LINGO2: variants seen among roughly 807,000 people sequenced by gnomAD.
The protein encoded by LINGO2 is leucine-rich repeat and immunoglobulin-like domain-containing nogo receptor-interacting protein 2.
Under a neutral mutation model 30.6 loss-of-function variants are expected in LINGO2, and 14 were observed. That is an observed-to-expected ratio of 0.46 (90% CI 0.30 to 0.72). The LOEUF is 0.72. Ranked by LOEUF, LINGO2 falls within the 30% of genes least tolerant of loss-of-function variation. LINGO2 has a pLI of 0.07. For missense variants in LINGO2, 729 were observed against 751.7 expected, an observed-to-expected ratio of 0.97 and a Z score of 0.35; for synonymous variants, 317 against 288.5, an observed-to-expected ratio of 1.10 and a Z score of -1.00.
chr9:28,364,822 A>G (rs1271455080), intron 3 of LINGO2, among the ~76,000 whole-genome samples: 1 of 152,174 alleles, frequency 6.6e-6, no homozygotes, highest in African/African-American at 2.4e-5. Flanking sequence ...TTTAATCACT[A>G]ATTTTTTAGA....
intron 4 of LINGO2, among the ~76,000 whole-genome samples, chr9:28,104,842 T>C (rs1826534756): frequency 6.6e-6 from 1 of 152,110 alleles, no homozygotes; most frequent in Non-Finnish European, 1.5e-5. Flanking sequence ...TTAGAAATAT[T>C]TATAATGAGA....
rs10968292 is a variant in LINGO2 at position 28,032,932 on chromosome 9, A to C, written c.-86-20527T>G. ...TGTCTGAGAAAGATTTGTGCCTGAA[A>C]GTTTTAGGAGACAGCATCCCAGTCA... On this transcript the variant is annotated intron_variant, in intron 4 of 5. Transcript: ENST00000379992. Among the ~76,000 whole-genome samples the C allele has an allele frequency of 0.011, 1,743 of 152,292 alleles. 152 individuals are homozygous for C. The East Asian group carries it at 0.24, about 21-fold the overall frequency.
intron 3 of LINGO2, among the ~76,000 whole-genome samples, chr9:28,361,651 C>CAA (rs113971802): frequency 6.9e-6 from 1 of 144,640 alleles, no homozygotes; most frequent in African/African-American, 2.5e-5. Flanking sequence ...GATTTTTGAA[C>CAA]AAAAAAAAAA....
At chr9:28,226,219 A>G (rs556138225) in intron 4 of LINGO2, among the ~76,000 whole-genome samples, 1 of 152,260 alleles carries the variant, frequency 6.6e-6, no homozygotes, top group Non-Finnish European at 1.5e-5. Context: ...TTTAAATAGT[A>G]CGAGAGTGGT....
At chr9:28,258,973 C>A (rs1480334844) in intron 4 of LINGO2, among the ~76,000 whole-genome samples, 1 of 151,166 alleles carries the variant, frequency 6.6e-6, no homozygotes, top group Non-Finnish European at 1.5e-5. Flanking sequence ...AGGATTGGTC[C>A]CATACCAACT....
chr9:28,394,740 C>T (rs1019157566), intron 2 of LINGO2, among the ~76,000 whole-genome samples: 3 of 152,114 alleles, frequency 2.0e-5, no homozygotes, highest in Non-Finnish European at 2.9e-5. Flanking sequence ...TTACCCAGTA[C>T]TATACATATA....
At chr9:28,239,741 T>C (rs1161911789) in intron 4 of LINGO2, among the ~76,000 whole-genome samples, 1 of 152,174 alleles carries the variant, frequency 6.6e-6, no homozygotes. Flanking sequence ...GATTGCTCAC[T>C]TTCACCATTG....
intron 5 of LINGO2, among the ~76,000 whole-genome samples, chr9:27,999,309 G>C (rs1357147806): frequency 6.6e-6 from 1 of 152,094 alleles, no homozygotes; most frequent in Non-Finnish European, 1.5e-5. Context: ...GGAATGCCTG[G>C]GTAAGAGACT....
At chr9:28,226,739 T>C (rs1347108924) in intron 4 of LINGO2, among the ~76,000 whole-genome samples, 1 of 151,994 alleles carries the variant, frequency 6.6e-6, no homozygotes, top group African/African-American at 2.4e-5. Context: ...AAACTGCATA[T>C]TATGATCCAG....
chr9:29,188,202 T>A, the LINGO2 span, among the ~76,000 whole-genome samples: 1 of 151,258 alleles, frequency 6.6e-6, no homozygotes, highest in Non-Finnish European at 1.5e-5. Flanking sequence ...TACTTAAGAG[T>A]AGGGAGTGGT....
At chr9:28,860,775 A>G in the LINGO2 span, among the ~76,000 whole-genome samples, 4 of 149,412 alleles carry the variant, frequency 2.7e-5, no homozygotes, top group Non-Finnish European at 5.9e-5. Context: ...GTCAATGATG[A>G]TGCAAAAGCA....
intron 4 of LINGO2, among the ~76,000 whole-genome samples, chr9:28,246,261 T>A (rs915621805): frequency 6.6e-6 from 1 of 151,896 alleles, no homozygotes; most frequent in African/African-American, 2.4e-5. Context: ...CCATCTCTAC[T>A]AAAAATACCA....
chr9:28,409,034 G>T (rs979413069), intron 2 of LINGO2, among the ~76,000 whole-genome samples: 3 of 152,028 alleles, frequency 2.0e-5, no homozygotes, highest in Admixed American at 1.3e-4. Context: ...AGGACAGGTT[G>T]TCAGTAATCA....
chr9:28,058,978 T>A (rs1825053157), intron 4 of LINGO2, among the ~76,000 whole-genome samples: 1 of 152,170 alleles, frequency 6.6e-6, no homozygotes, highest in African/African-American at 2.4e-5. Flanking sequence ...CCTGTTATGA[T>A]GGTGTATATC....
intron 4 of LINGO2, among the ~76,000 whole-genome samples, chr9:28,210,454 CT>C (rs1820549561): frequency 6.6e-6 from 1 of 151,500 alleles, no homozygotes; most frequent in Non-Finnish European, 1.5e-5. Context: ...AATGACTTGG[CT>C]TTCTTTATAA....
intron 4 of LINGO2, among the ~76,000 whole-genome samples, chr9:28,243,359 C>A (rs541739851): frequency 3.3e-5 from 5 of 151,582 alleles, no homozygotes; most frequent in Admixed American, 3.3e-4. Flanking sequence ...ACTCAGGAGG[C>A]TGAGGCAGGA....
chr9:28,933,093 G>C, the LINGO2 span, among the ~76,000 whole-genome samples: 3 of 151,868 alleles, frequency 2.0e-5, no homozygotes, highest in African/African-American at 7.3e-5. Flanking sequence ...TTTTAGTATT[G>C]ACAGGGTTTT....
chr9:28,375,723 T>C (rs372638722), intron 2 of LINGO2, among the ~76,000 whole-genome samples: 1 of 152,190 alleles, frequency 6.6e-6, no homozygotes, highest in Non-Finnish European at 1.5e-5. Context: ...GGGGAAAATA[T>C]AGAAGTGGTT....
the LINGO2 span, among the ~76,000 whole-genome samples, chr9:29,022,835 C>G: frequency 6.6e-6 from 1 of 152,100 alleles, no homozygotes; most frequent in Non-Finnish European, 1.5e-5. Context: ...TTACTCTCTT[C>G]GTACATTCCC....
Sources: allele counts gnomAD v4.1 joint callset (sites outside exome capture counted in the v4.1 genomes callset), GRCh38; gene constraint gnomAD v4.1.1; transcripts MANE v1.5; gene names NCBI Gene and HGNC (gene_info 2026-07-23, HGNC 2026-07-21).